The following ADGRV1 variants were observed in gnomAD, a reference collection of about 807,000 sequenced individuals.
ADGRV1 encodes the protein G-protein coupled receptor 98.
Under a neutral mutation model 596.2 loss-of-function variants are expected in ADGRV1, and 359 were observed. That is an observed-to-expected ratio of 0.60 (90% CI 0.55 to 0.66). The LOEUF (loss-of-function observed/expected upper bound fraction) is 0.66, where lower values mean the gene tolerates loss of function less well. Among genes scored for constraint, ADGRV1 ranks in the 30% least tolerant of loss-of-function variants. The pLI is 0.00. For missense variants in ADGRV1, 7,274 were observed against 7,575.6 expected, an observed-to-expected ratio of 0.96 and a Z score of 1.48; for synonymous variants, 2,681 against 2,679.2, an observed-to-expected ratio of 1.00 and a Z score of -0.02.
chr5:90,985,802 G>A (rs1179304875), intron 85 of ADGRV1, among the ~76,000 whole-genome samples: 1 of 152,010 alleles, frequency 6.6e-6, no homozygotes, highest in Non-Finnish European at 1.5e-5. Flanking sequence ...CTAATATTTA[G>A]CAAAATCAGG....
At chr5:90,995,393 A>C (rs1189549904) in intron 85 of ADGRV1, among the ~76,000 whole-genome samples, 1 of 152,170 alleles carries the variant, frequency 6.6e-6, no homozygotes, top group African/African-American at 2.4e-5. Flanking sequence ...TATGGGTGCC[A>C]GAGTGTACCC....
Position 91,163,894 on chromosome 5 carries a change from CCT to C in ADGRV1, c.18916_18917del (p.Leu6306ValfsTer5). ...LRRIPIADTH[L>X] ...GGAGGATACCCATCGCCGACACTCA[CCT>C]GTAGCACCTCACTAACCATTCGACT... On this transcript the variant is annotated frameshift_variant, in exon 90 of 90. Transcript: ENST00000405460. LOFTEE classifies it high-confidence loss of function. 6.8e-7 allele frequency: 1 copy of C among 1,463,964 alleles called. No homozygotes were observed. The highest frequency in any genetic ancestry group is 1.4e-5 in the African/African-American group (1 of 72,186). The allele number at this position is 1,463,964 out of a possible 1,614,324, so 90.7% of individuals were successfully genotyped here.
intron 83 of ADGRV1, among the ~76,000 whole-genome samples, chr5:90,878,839 AC>A (rs1450433849): frequency 2.0e-5 from 3 of 152,320 alleles, no homozygotes; most frequent in Non-Finnish European, 4.4e-5. Flanking sequence ...GTTGCACTTT[AC>A]ACTTTCCCCA....
chr5:90,598,747 T>G (rs27197), intron 1 of ADGRV1, among the ~76,000 whole-genome samples: 4,586 of 152,130 alleles, frequency 0.03, 220 homozygotes, highest in African/African-American at 0.1. Context: ...TTCCTGCCAG[T>G]GTGATGCATG....
intron 83 of ADGRV1, among the ~76,000 whole-genome samples, chr5:90,957,796 G>C (rs1375147537): frequency 6.6e-6 from 1 of 151,358 alleles, no homozygotes; most frequent in East Asian, 1.9e-4. Context: ...AGGAGATCAG[G>C]AGAGAAAATA....
intron 67 of ADGRV1, among the ~76,000 whole-genome samples, chr5:90,787,576 G>GTCTT (rs1289221149): frequency 6.9e-6 from 1 of 144,514 alleles, no homozygotes; most frequent in Admixed American, 6.9e-5. Flanking sequence ...ATATCTTTTT[G>GTCTT]TCTTTCTTTC....
At chr5:90,918,171 T>C (rs1423199030) in intron 83 of ADGRV1, among the ~76,000 whole-genome samples, 1 of 152,026 alleles carries the variant, frequency 6.6e-6, no homozygotes, top group African/African-American at 2.4e-5. Flanking sequence ...ATCAGTCCAA[T>C]CTGGTGGCTG....
intron 33 of ADGRV1, among the ~76,000 whole-genome samples, chr5:90,695,932 G>A (rs761095576): frequency 6.6e-6 from 1 of 152,014 alleles, no homozygotes; most frequent in African/African-American, 2.4e-5. Context: ...TACAAAGAAA[G>A]TTATATATAA....
chr5:90,780,987 A>T, intron 64 of ADGRV1: 1 of 165,740 alleles, frequency 6.0e-6, no homozygotes, highest in East Asian at 1.7e-4. Flanking sequence ...TAGTGTCATG[A>T]CACTCACTAT....
chr5:90,764,159 G>A (rs1275252185), intron 59 of ADGRV1, among the ~76,000 whole-genome samples: 1 of 152,144 alleles, frequency 6.6e-6, no homozygotes, highest in Non-Finnish European at 1.5e-5. Flanking sequence ...CCGTGTTGCA[G>A]GACTCATGAC....
chr5:91,017,043 G>A (rs944494706), intron 85 of ADGRV1, among the ~76,000 whole-genome samples: 2 of 151,924 alleles, frequency 1.3e-5, no homozygotes, highest in Non-Finnish European at 2.9e-5. Context: ...ATTGCACTCA[G>A]TAGTACCAAG....
rs545431361 is a variant in ADGRV1 at position 91,052,072 on chromosome 5, T to C, written c.18153-20375T>C. On this transcript the variant is annotated intron_variant, in intron 85 of 89. Transcript: ENST00000405460. Reference sequence around the variant, plus strand: ...CAGCCAAAACTAGAGAACAAACTTATTGGTTTTTCTTTTTTAAAATTAATC... The same window carrying C: ...CAGCCAAAACTAGAGAACAAACTTACTGGTTTTTCTTTTTTAAAATTAATC... Among the ~76,000 whole-genome samples the C allele has an allele frequency of 3.9e-5, 6 of 152,322 alleles. No homozygotes were observed. In the South Asian group the frequency reaches 6.2e-4, roughly 16 times the overall value.
intron 21 of ADGRV1, among the ~76,000 whole-genome samples, chr5:90,666,118 T>A (rs1346663318): frequency 1.3e-5 from 2 of 151,002 alleles, no homozygotes; most frequent in Admixed American, 1.3e-4. Context: ...GTTCTGTAGA[T>A]GTCTATTAGG....
intron 5 of ADGRV1, among the ~76,000 whole-genome samples, chr5:90,623,545 G>A (rs115452482): frequency 5.5e-4 from 83 of 152,162 alleles, no homozygotes; most frequent in African/African-American, 2.0e-3. Flanking sequence ...CTGAATAGCT[G>A]GGAGTACAGG....
At chr5:90,973,309 T>C (rs1466382445) in intron 84 of ADGRV1, among the ~76,000 whole-genome samples, 1 of 152,048 alleles carries the variant, frequency 6.6e-6, no homozygotes, top group Non-Finnish European at 1.5e-5. Context: ...CTGAAACTAT[T>C]CCAATCAACA....
intron 49 of ADGRV1, 74 bp downstream of exon 49, chr5:90,729,007 T>C: frequency 9.5e-7 from 1 of 1,054,996 alleles, no homozygotes. Context: ...ATATTTTATA[T>C]GAAAATGCTC....
At chr5:90,675,814 TAAAA>T (rs577030244) in intron 24 of ADGRV1, among the ~76,000 whole-genome samples, 98 of 149,304 alleles carry the variant, frequency 6.6e-4, no homozygotes, top group Middle Eastern at 3.5e-3. Flanking sequence ...AAAAGAAAAA[TAAAA>T]AAAGAAAAGA....
At chr5:90,922,279 A>C (rs1198532876) in intron 83 of ADGRV1, among the ~76,000 whole-genome samples, 2 of 152,066 alleles carry the variant, frequency 1.3e-5, no homozygotes, top group African/African-American at 4.8e-5. Context: ...TTATCTTTCT[A>C]AAATATTGGT....
intron 84 of ADGRV1, among the ~76,000 whole-genome samples, chr5:90,971,728 T>TA (rs901015625): frequency 7.2e-5 from 11 of 152,162 alleles, no homozygotes; most frequent in African/African-American, 2.7e-4. Context: ...GAACAACTGG[T>TA]ACCAGCCACT....
Sources: allele counts gnomAD v4.1 joint callset (sites outside exome capture counted in the v4.1 genomes callset), GRCh38; gene constraint gnomAD v4.1.1; transcripts MANE v1.5; gene names NCBI Gene and HGNC (gene_info 2026-07-23, HGNC 2026-07-21).